Variants in TRPM3 observed in about 807,000 individuals in gnomAD.
TRPM3 encodes long transient receptor potential channel 3.
A neutral mutation model predicts 181.2 loss-of-function variants in TRPM3; 77 were observed. The ratio of observed to expected loss-of-function variants is 0.42; its 90% CI spans 0.35 to 0.51. The LOEUF is 0.51. Ranked by LOEUF, TRPM3 falls within the 20% of genes least tolerant of loss-of-function variation. The pLI, the probability that TRPM3 is intolerant of heterozygous loss-of-function variation, is 0.01. For missense variants in TRPM3, 1,759 were observed against 2,196.7 expected (o/e 0.80, Z 3.98); for synonymous variants, 745 against 796.4 (o/e 0.94, Z 1.09).
intron 1 of TRPM3, among the ~76,000 whole-genome samples, chr9:70,875,956 A>G (rs767706292): frequency 1.1e-4 from 16 of 151,906 alleles, no homozygotes; most frequent in Non-Finnish European, 2.1e-4. Flanking sequence ...TCAAATTACT[A>G]AATTGTTAGG....
chr9:70,817,237 G>A (rs141588359), intron 6 of TRPM3, among the ~76,000 whole-genome samples: 11 of 152,276 alleles, frequency 7.2e-5, no homozygotes, highest in Admixed American at 5.2e-4. Flanking sequence ...CATAAGATGT[G>A]AGCTAAAATG....
At chr9:71,298,883 C>A (rs180707877) in intron 1 of TRPM3, among the ~76,000 whole-genome samples, 3 of 152,184 alleles carry the variant, frequency 2.0e-5, no homozygotes, top group African/African-American at 7.2e-5. Flanking sequence ...GGAATAAGAA[C>A]CAGTTCAACT....
At chr9:70,985,769 A>G (rs1010374528) in intron 1 of TRPM3, among the ~76,000 whole-genome samples, 2 of 152,306 alleles carry the variant, frequency 1.3e-5, no homozygotes, top group South Asian at 4.1e-4. Context: ...AAGGGAAGGG[A>G]AACATATTAC....
chr9:70,568,733 C>T (rs1184752563), intron 22 of TRPM3, among the ~76,000 whole-genome samples: 1 of 152,222 alleles, frequency 6.6e-6, no homozygotes, highest in Non-Finnish European at 1.5e-5. Flanking sequence ...TTAACCACTA[C>T]CTTGTGCTAT....
chr9:70,969,689 T>C (rs1408359628), intron 1 of TRPM3, among the ~76,000 whole-genome samples: 1 of 149,942 alleles, frequency 6.7e-6, no homozygotes, highest in Non-Finnish European at 1.5e-5. Context: ...TCTGTCTCAG[T>C]TTCCTCATCT....
chr9:71,034,220 T>C (rs561895867), intron 1 of TRPM3, among the ~76,000 whole-genome samples: 1 of 152,308 alleles, frequency 6.6e-6, no homozygotes, highest in South Asian at 2.1e-4. Context: ...CTGCTTGGCA[T>C]AGTAGAGATC....
At chr9:71,321,170 A>T (rs571283369) in intron 1 of TRPM3, among the ~76,000 whole-genome samples, 1 of 152,242 alleles carries the variant, frequency 6.6e-6, no homozygotes, top group South Asian at 2.1e-4. Context: ...AACACAAACC[A>T]TCCCTTCCTA....
chr9:71,094,843 A>T (rs1292640484), intron 1 of TRPM3, among the ~76,000 whole-genome samples: 1 of 152,076 alleles, frequency 6.6e-6, no homozygotes, highest in Non-Finnish European at 1.5e-5. Flanking sequence ...AAAAAAATCC[A>T]TCCTCTATGA....
At chr9:70,661,180 AC>A (rs1202573142) in intron 9 of TRPM3, among the ~76,000 whole-genome samples, 1 of 152,198 alleles carries the variant, frequency 6.6e-6, no homozygotes, top group Non-Finnish European at 1.5e-5. Flanking sequence ...AGAATTAAAA[AC>A]AAAAACCATA....
At chr9:71,227,017 G>A (rs1047065750) in intron 1 of TRPM3, among the ~76,000 whole-genome samples, 1 of 149,230 alleles carries the variant, frequency 6.7e-6, no homozygotes, top group Non-Finnish European at 1.5e-5. Context: ...ACTGAGGCAG[G>A]AGAATTGTTT....
Position 71,446,751 on chromosome 9 carries a change from G to GCA in TRPM3, c.84_85insTG (p.Arg29CysfsTer16). On this transcript the variant is annotated frameshift_variant, in exon 1 of 25. Coordinates refer to the TRPM3 transcript ENST00000357533. LOFTEE classifies it high-confidence loss of function. The stretch of plus-strand genomic sequence containing the variant: ...GCAAACCTGCCCCGGCTGGCGCTCC[G>GCA]GCTGCGTCTGCGGCTCTCCGCGTTG... 6.4e-7 allele frequency: 1 copy of GCA among 1,550,540 alleles called. No homozygotes were observed. Among genetic ancestry groups the GCA allele is most frequent in the South Asian group, 1.2e-5 (1 of 84,048 alleles).
chr9:71,109,046 C>A (rs1036134154), intron 1 of TRPM3, among the ~76,000 whole-genome samples: 1 of 133,424 alleles, frequency 7.5e-6, no homozygotes, highest in African/African-American at 3.1e-5. Context: ...TCACCTCCTC[C>A]GAGCAAGAAG....
rs1409367354 is a variant in TRPM3 at position 71,268,369 on chromosome 9, G to A, written c.183+178284C>T. ...CTCTCCAGCCTAGGTGACAGAGCAA[G>A]ACTCTGTCTCAAAAAATAATAATAA... is the stretch of plus-strand genomic sequence containing the variant. On this transcript the variant is annotated intron_variant, in intron 1 of 24. Coordinates refer to the TRPM3 transcript ENST00000357533. Among the ~76,000 whole-genome samples, 8 of 152,138 alleles carry A rather than the reference G, an allele frequency of 5.3e-5. No homozygotes were observed. In the East Asian group the frequency reaches 1.4e-3, roughly 26 times the overall value.
At chr9:70,754,973 C>A (rs1301190685) in intron 8 of TRPM3, among the ~76,000 whole-genome samples, 1 of 152,138 alleles carries the variant, frequency 6.6e-6, no homozygotes, top group Non-Finnish European at 1.5e-5. Flanking sequence ...GAAAACAATG[C>A]CTACTTTGTG....
At chr9:71,294,783 G>A (rs544933639) in intron 1 of TRPM3, among the ~76,000 whole-genome samples, 2 of 152,126 alleles carry the variant, frequency 1.3e-5, no homozygotes, top group South Asian at 2.1e-4. Context: ...TCACACAATC[G>A]AATTCTGTAT....
At chr9:70,668,780 G>A (rs988625057) in intron 9 of TRPM3, among the ~76,000 whole-genome samples, 4 of 151,530 alleles carry the variant, frequency 2.6e-5, no homozygotes, top group African/African-American at 7.3e-5. Context: ...TTAGCCAGGA[G>A]GAACATACTT....
At chr9:71,154,662 A>G (rs1336452137) in intron 1 of TRPM3, among the ~76,000 whole-genome samples, 1 of 152,214 alleles carries the variant, frequency 6.6e-6, no homozygotes, top group Non-Finnish European at 1.5e-5. Context: ...AGGAATTTGT[A>G]CATCACCTTG....
chr9:71,051,484 C>T (rs2060050407), intron 1 of TRPM3, among the ~76,000 whole-genome samples: 1 of 152,140 alleles, frequency 6.6e-6, no homozygotes, highest in African/African-American at 2.4e-5. Flanking sequence ...GGAGCTGACA[C>T]ATGAGCATGT....
chr9:70,596,560 C>T (rs746772502), intron 21 of TRPM3, among the ~76,000 whole-genome samples: 6 of 152,066 alleles, frequency 3.9e-5, no homozygotes, highest in South Asian at 4.2e-4. Context: ...AGTGAAACCT[C>T]GTCTCTAATA....
Sources: gnomAD v4.1 joint callset for allele counts (sites outside exome capture counted in the v4.1 genomes callset) on GRCh38, gnomAD v4.1.1 for gene constraint, MANE v1.5 for transcripts, NCBI Gene and HGNC (gene_info 2026-07-23, HGNC 2026-07-21) for gene names.